ACAD11: variants seen among roughly 807,000 people sequenced by gnomAD.
The protein encoded by ACAD11 is acyl-Coenzyme A dehydrogenase family, member 11.
Under a neutral mutation model 102.2 loss-of-function variants are expected in ACAD11, and 83 were observed. That is an observed-to-expected ratio of 0.81 (90% CI 0.68 to 0.97). The LOEUF (loss-of-function observed/expected upper bound fraction) is 0.97, where lower values mean the gene tolerates loss of function less well. Among genes scored for constraint, ACAD11 ranks in the 50% least tolerant of loss-of-function variants. The pLI is 0.00. For missense variants in ACAD11, 901 were observed against 951.7 expected (o/e 0.95, Z 0.70); for synonymous variants, 324 against 319.8 (o/e 1.01, Z -0.14).
At chr3:132,563,637 T>G (rs1470344860) in intron 17 of ACAD11, among the ~76,000 whole-genome samples, 3 of 152,220 alleles carry the variant, frequency 2.0e-5, no homozygotes, top group Non-Finnish European at 4.4e-5. Flanking sequence ...GTGACTTTGC[T>G]AAACTCACTT....
Position 132,568,801 on chromosome 3 carries a change from C to CAAAA in ACAD11, c.2001+6967_2001+6970dup, listed in dbSNP as rs755568917. Among the ~76,000 whole-genome samples, 78 of 68,672 alleles carry CAAAA rather than the reference C, an allele frequency of 1.1e-3. 6 individuals are homozygous for CAAAA. Among genetic ancestry groups the CAAAA allele is most frequent in the African/African-American group, 3.6e-3 (70 of 19,630 alleles). The allele number at this position is 68,672 out of a possible 152,430, so 45.1% of individuals were successfully genotyped here. ...GCTGAAGCAATTGGACATCCACAGG[C>CAAAA]AAAAAAAAAAAAAAAAAAAAAAAAA... On this transcript the variant is annotated intron_variant, in intron 17 of 19. Coordinates refer to ENST00000264990, the MANE Select transcript of ACAD11 (RefSeq NM_032169.5).
At position 132,639,987 on chromosome 3, in the gene ACAD11, C is replaced by G. The variant is rs147250170; in HGVS notation, c.538-331G>C. Reference sequence around the variant, plus strand: ...GCATACAAACACACACACGCACACACACACTCTCTCTCACACACACACACA... The same window carrying G: ...GCATACAAACACACACACGCACACAGACACTCTCTCTCACACACACACACA... On this transcript the variant is annotated intron_variant, in intron 4 of 19. Coordinates refer to ENST00000264990, the MANE Select transcript of ACAD11 (RefSeq NM_032169.5). Among the ~76,000 whole-genome samples the G allele has an allele frequency of 1.4e-3, 217 of 150,668 alleles. 2 individuals are homozygous for G. Among genetic ancestry groups the G allele is most frequent in the African/African-American group, 4.7e-3 (189 of 40,322 alleles).
chr3:132,615,837 C>T (rs775005994), intron 11 of ACAD11, among the ~76,000 whole-genome samples: 1 of 152,150 alleles, frequency 6.6e-6, no homozygotes, highest in African/African-American at 2.4e-5. Context: ...CAAAGGCCCC[C>T]AAATTTTCCA....
chr3:132,638,017 T>C (rs1940338891), intron 5 of ACAD11, among the ~76,000 whole-genome samples: 1 of 152,182 alleles, frequency 6.6e-6, no homozygotes, highest in Non-Finnish European at 1.5e-5. Context: ...TCGTACATAT[T>C]ATGAAGCATT....
chr3:132,578,930 T>C (rs995231216), intron 14 of ACAD11, 49 bp from the exon 15 acceptor site: 1 of 1,607,362 alleles, frequency 6.2e-7, no homozygotes, highest in African/African-American at 1.3e-5. Context: ...AGAAGAAAAA[T>C]AAAACAGATA....
intron 11 of ACAD11, among the ~76,000 whole-genome samples, chr3:132,615,946 A>G (rs2107843557): frequency 6.6e-6 from 1 of 152,306 alleles, no homozygotes; most frequent in South Asian, 2.1e-4. Context: ...GGAAGACTAC[A>G]TATGTTTCCC....
At chr3:132,626,890 A>G in intron 8 of ACAD11, 73 bp from the exon 9 acceptor site, 22 of 1,458,960 alleles carry the variant, frequency 1.5e-5, no homozygotes, top group Non-Finnish European at 2.0e-5. Context: ...TTCTAATATA[A>G]TGTGAAGTTT....
chr3:132,648,749 A>G (rs1421407242), intron 1 of ACAD11: 3 of 152,262 alleles, frequency 2.0e-5, no homozygotes, highest in Non-Finnish European at 4.4e-5. Flanking sequence ...ACCACTGAAC[A>G]GACTCAGACC....
intron 1 of ACAD11, among the ~76,000 whole-genome samples, chr3:132,658,016 C>T (rs1293148773): frequency 6.6e-6 from 1 of 151,974 alleles, no homozygotes; most frequent in Non-Finnish European, 1.5e-5. Flanking sequence ...CACGTGCCAC[C>T]ACGCCCGGCT....
intron 17 of ACAD11, among the ~76,000 whole-genome samples, chr3:132,574,515 C>A (rs903780026): frequency 2.0e-5 from 3 of 152,110 alleles, no homozygotes; most frequent in Admixed American, 1.3e-4. Context: ...CTGAATAATA[C>A]TTTACAAAAA....
At chr3:132,640,100 G>GA (rs1940431616) in intron 4 of ACAD11, among the ~76,000 whole-genome samples, 1 of 150,778 alleles carries the variant, frequency 6.6e-6, no homozygotes, top group Admixed American at 6.6e-5. Flanking sequence ...GGGACTAGAA[G>GA]AAAAAAGAAG....
chr3:132,641,689 AGAG>A (rs1419241076), intron 4 of ACAD11, among the ~76,000 whole-genome samples: 25 of 129,292 alleles, frequency 1.9e-4, no homozygotes, highest in African/African-American at 5.9e-4. Flanking sequence ...AGGAAGAGGA[AGAG>A]GAAGAGGAAG....
intron 13 of ACAD11, among the ~76,000 whole-genome samples, chr3:132,597,993 A>G (rs962512504): frequency 6.6e-6 from 1 of 152,178 alleles, no homozygotes; most frequent in Non-Finnish European, 1.5e-5. Flanking sequence ...CAATTCTTCT[A>G]TGTGGTGTCT....
Position 132,642,791 on chromosome 3 carries a change from T to C in ACAD11, c.261A>G (p.Glu87=). ...LLPKAHQIDR[E]FKVQKALFSI... ...AAAACAAGGCTTTCTGGACTTTAAA[T>C]TCTCTATCAATCTAAATAGGATGAT... Residue 87 remains glutamate (E), a synonymous_variant, in exon 3 of 20, where the codon GAA becomes GAG. Transcript: ENST00000264990. 1 of 1,611,836 alleles carries C rather than the reference T, an allele frequency of 6.2e-7. No homozygotes were observed. The highest frequency in any genetic ancestry group is 8.5e-7 in the Non-Finnish European group (1 of 1,179,220).
At position 132,612,468 on chromosome 3, in the gene ACAD11, C is replaced by T. The variant is rs1339648210; in HGVS notation, c.1414+6166G>A. 3.9e-3 allele frequency among the ~76,000 whole-genome samples: 594 copies of T among 151,890 alleles called. 4 individuals are homozygous for T. Among genetic ancestry groups the T allele is most frequent in the Non-Finnish European group, 4.9e-3 (336 of 67,934 alleles). On this transcript the variant is annotated intron_variant, in intron 11 of 19. Transcript: ENST00000264990. ...ACAGAATGGGAGAAAATTATTGCAA[C>T]CTACTCATCTGACAAAGGGCTAATA...
At position 132,575,854 on chromosome 3, in the gene ACAD11, A is replaced by G; in HGVS notation, c.1919T>C (p.Val640Ala). 2 of 1,613,914 alleles carry G rather than the reference A, an allele frequency of 1.2e-6. No individual in the cohort carries two copies. Among genetic ancestry groups the G allele is most frequent in the Non-Finnish European group, 1.7e-6 (2 of 1,179,972 alleles). Residue 640 changes from valine to alanine, a missense_variant, in exon 17 of 20, where the codon GTA becomes GCA. Physicochemically the swap from Val to Ala is moderately conservative, Grantham distance 64. Coordinates refer to ENST00000264990, the MANE Select transcript of ACAD11 (RefSeq NM_032169.5). ...CTGCAAAGCGCGTTCCGCCAAACCT[A>G]CTGTTCTCATACAGTGGTGGATTCT... is the stretch of plus-strand genomic sequence containing the variant. ...PGRIHHCMRT[V>A]GLAERALQIM...
chr3:132,619,734 A>AG (rs1559962069), intron 9 of ACAD11, among the ~76,000 whole-genome samples, 189 bp from the exon 10 acceptor site: 1 of 152,218 alleles, frequency 6.6e-6, no homozygotes, highest in East Asian at 1.9e-4. Context: ...CCACAATATT[A>AG]GATAGTAGGC....
intron 9 of ACAD11, chr3:132,620,274 C>G (rs1939559064): frequency 6.6e-6 from 1 of 152,216 alleles, no homozygotes; most frequent in Admixed American, 6.5e-5. Flanking sequence ...TAACTGAAGT[C>G]TGTTTTCACC....
intron 11 of ACAD11, among the ~76,000 whole-genome samples, chr3:132,606,699 G>A (rs905781716): frequency 9.2e-5 from 14 of 152,222 alleles, no homozygotes; most frequent in African/African-American, 2.4e-4. Flanking sequence ...GGCTGTGGGC[G>A]CGGCTTCAGC....
Sources: allele counts gnomAD v4.1 joint callset (sites outside exome capture counted in the v4.1 genomes callset), GRCh38; gene constraint gnomAD v4.1.1; transcripts MANE v1.5; gene names NCBI Gene and HGNC (gene_info 2026-07-23, HGNC 2026-07-21).